FLVCR1: variants seen among roughly 807,000 people sequenced by gnomAD.
The protein encoded by FLVCR1 is FLVCR choline and heme transporter 1.
A neutral mutation model predicts 53.6 loss-of-function variants in FLVCR1; 34 were observed. The ratio of observed to expected loss-of-function variants is 0.63; its 90% CI spans 0.48 to 0.84. The LOEUF is 0.84. Ranked by LOEUF, FLVCR1 falls within the 40% of genes least tolerant of loss-of-function variation. FLVCR1 has a pLI of 0.00. For missense variants in FLVCR1, 677 were observed against 696.7 expected (o/e 0.97, Z 0.32); for synonymous variants, 300 against 286.3 (o/e 1.05, Z -0.48).
At position 212,858,774 on chromosome 1, in the gene FLVCR1, T is replaced by G. The variant is rs1664120208; in HGVS notation, c.322T>G (p.Phe108Val). ...CCTTACGGCGCTCTCCCCGCGGCGC[T>G]TCGTGGTGCTCCTGATCTTCAGCCT... The part of the protein sequence containing the change: ...LPLTALSPRR[F>V]VVLLIFSLYS... The change falls in exon 1 of 10, where the codon TTC becomes GTC. Residue 108 changes from phenylalanine to valine, a missense_variant. Phe to Val is a conservative substitution (Grantham distance 50). Transcript: ENST00000366971. 1 of 1,614,102 alleles carries G rather than the reference T, an allele frequency of 6.2e-7. No homozygotes were observed. The highest frequency in any genetic ancestry group is 8.5e-7 in the Non-Finnish European group (1 of 1,180,020).
rs1665388548 is a variant in FLVCR1, at chr1:212,898,243, A to G, written c.*2953A>G. ...CAGCCAGAGAAAAATTCCCTGGACA[A>G]TTGGATAAACAAATGTGATTGCTAC... On this transcript the variant is annotated 3_prime_UTR_variant, in exon 10 of 10. Transcript: ENST00000366971. 1 of 152,252 alleles carries G rather than the reference A, an allele frequency of 6.6e-6. No homozygotes were observed. Among genetic ancestry groups the G allele is most frequent in the Admixed American group, 6.5e-5 (1 of 15,286 alleles). 9.4% of individuals were successfully genotyped at this position (152,252 alleles called of 1,614,324 possible).
chr1:212,868,178 T>G (rs1664496084), intron 2 of FLVCR1, among the ~76,000 whole-genome samples: 1 of 152,128 alleles, frequency 6.6e-6, no homozygotes, highest in Admixed American at 6.5e-5. Flanking sequence ...CACTGCACCC[T>G]TGATCTCCTG....
chr1:212,894,816 T>C (rs1478887954), intron 8 of FLVCR1, among the ~76,000 whole-genome samples, 170 bp from the exon 9 acceptor site: 1 of 152,204 alleles, frequency 6.6e-6, no homozygotes, highest in African/African-American at 2.4e-5. Context: ...GACTTATTAA[T>C]TGTTAACAAC....
chr1:212,893,398 T>C (rs980550114), intron 8 of FLVCR1, among the ~76,000 whole-genome samples: 1 of 152,174 alleles, frequency 6.6e-6, no homozygotes, highest in Non-Finnish European at 1.5e-5. Context: ...TTTCTTGAGT[T>C]GGAATCTACT....
Position 212,859,174 on chromosome 1 carries a change from C to T in FLVCR1, c.722C>T (p.Ala241Val). 1 of 1,614,042 alleles carries T rather than the reference C, an allele frequency of 6.2e-7. No individual in the cohort carries two copies. The highest frequency in any genetic ancestry group is 8.5e-7 in the Non-Finnish European group (1 of 1,180,046). Residue 241 changes from alanine (A) to valine (V), a missense_variant, in exon 1 of 10, where the codon GCC becomes GTC. By Grantham distance (64) the Ala-to-Val change is moderately conservative. Transcript: ENST00000366971. ...GAGGTGTCCACAGCTTGTGCCACCG[C>T]CGTGCTGGGCAATCAGGTAAGTACT... is the stretch of plus-strand genomic sequence containing the variant. ...PKEVSTACAT[A>V]VLGNQLGTAV...
intron 3 of FLVCR1, among the ~76,000 whole-genome samples, chr1:212,876,384 T>C (rs533001134): frequency 1.5e-4 from 23 of 151,930 alleles, no homozygotes; most frequent in African/African-American, 4.8e-4. Context: ...TTTTTTTTTT[T>C]TTGAGATGGA....
rs767302510 is a variant in FLVCR1 at position 212,883,383 on chromosome 1, G to C, written c.1037G>C (p.Gly346Ala). Reference sequence around the variant, plus strand: ...TTTATTATTGTAGGTATCATGACTGGTGCCTTTTATTCAGTCTCAACGTTA... The same window carrying C: ...TTTATTATTGTAGGTATCATGACTGCTGCCTTTTATTCAGTCTCAACGTTA... ...LLLITYGIMT[G>A]AFYSVSTLLN... Residue 346 changes from glycine (G) to alanine (A), a missense_variant, in exon 4 of 10, where the codon GGT becomes GCT. Coordinates refer to ENST00000366971, the MANE Select transcript of FLVCR1 (RefSeq NM_014053.4). 1 of 1,546,454 alleles carries C rather than the reference G, an allele frequency of 6.5e-7. No homozygotes were observed. The highest frequency in any genetic ancestry group is 8.9e-7 in the Non-Finnish European group (1 of 1,120,676).
intron 6 of FLVCR1, 29 bp from the exon 7 acceptor site, chr1:212,888,460 T>C (rs1355252003): frequency 2.0e-6 from 3 of 1,477,754 alleles, no homozygotes; most frequent in South Asian, 2.3e-5. Context: ...CTGGTAGTTC[T>C]TTCTGTAATT....
chr1:212,863,236 A>T (rs1664299408), intron 1 of FLVCR1, among the ~76,000 whole-genome samples: 1 of 152,162 alleles, frequency 6.6e-6, no homozygotes, highest in South Asian at 2.1e-4. Context: ...TGTTTTTTGG[A>T]TAGGAGAGAT....
chr1:212,887,797 A>C, intron 5 of FLVCR1, 94 bp from the exon 6 acceptor site: 1 of 701,370 alleles, frequency 1.4e-6, no homozygotes, highest in Admixed American at 2.2e-5. Context: ...ACTTTGAAAA[A>C]CAAAGATTCA....
chr1:212,874,285 G>A (rs1297765445), intron 3 of FLVCR1, among the ~76,000 whole-genome samples: 1 of 152,176 alleles, frequency 6.6e-6, no homozygotes, highest in Admixed American at 6.5e-5. Context: ...CGGGATTACA[G>A]GCGTGAGCCA....
chr1:212,872,195 G>T (rs1664619721), intron 2 of FLVCR1, among the ~76,000 whole-genome samples: 1 of 151,970 alleles, frequency 6.6e-6, no homozygotes, highest in Non-Finnish European at 1.5e-5. Context: ...GCTCACTGCA[G>T]CCTTGACCTC....
At chr1:212,883,569 T>C in intron 4 of FLVCR1, 131 bp downstream of exon 4, 2 of 641,574 alleles carry the variant, frequency 3.1e-6, no homozygotes, top group East Asian at 2.8e-5. Context: ...TTTGTTTTAA[T>C]TGAGAATATA....
chr1:212,884,376 GAC>G (rs1374199547), intron 4 of FLVCR1, among the ~76,000 whole-genome samples: 6 of 151,882 alleles, frequency 4.0e-5, no homozygotes, highest in Non-Finnish European at 7.4e-5. Flanking sequence ...CCAGCCTAGT[GAC>G]AGAGTGAGAC....
At chr1:212,886,394 G>A (rs1665066643) in intron 5 of FLVCR1, among the ~76,000 whole-genome samples, 1 of 152,146 alleles carries the variant, frequency 6.6e-6, no homozygotes, top group African/African-American at 2.4e-5. Context: ...CAAAAAAGTA[G>A]TTCTTTCCAA....
At chr1:212,889,444 C>A (rs1361037491) in intron 8 of FLVCR1, among the ~76,000 whole-genome samples, 187 bp downstream of exon 8, 3 of 152,174 alleles carry the variant, frequency 2.0e-5, no homozygotes, top group South Asian at 2.1e-4. Flanking sequence ...AATACAGTTA[C>A]TCTGCATAGC....
intron 5 of FLVCR1, among the ~76,000 whole-genome samples, chr1:212,886,167 G>A (rs910098843): frequency 6.7e-6 from 1 of 149,524 alleles, no homozygotes; most frequent in African/African-American, 2.5e-5. Flanking sequence ...TCAGCCTCCT[G>A]AGTAGCTGTG....
chr1:212,888,852 AT>A (rs1201984725), intron 7 of FLVCR1, among the ~76,000 whole-genome samples: 2 of 151,546 alleles, frequency 1.3e-5, no homozygotes, highest in African/African-American at 4.9e-5. Flanking sequence ...GCCCAGCTAA[AT>A]TTTTTTTGTT....
At chr1:212,886,042 C>CTTTTTTTTTTTTTTTTTT (rs5780703) in intron 5 of FLVCR1, among the ~76,000 whole-genome samples, 2 of 121,166 alleles carry the variant, frequency 1.7e-5, no homozygotes, top group African/African-American at 6.5e-5. Flanking sequence ...TTATCTTGTT[C>CTTTTTTTTTTTTTTTTTT]TTTTTTTTTT....
Sources: allele counts gnomAD v4.1 joint callset (sites outside exome capture counted in the v4.1 genomes callset), GRCh38; gene constraint gnomAD v4.1.1; transcripts MANE v1.5; gene names NCBI Gene and HGNC (gene_info 2026-07-23, HGNC 2026-07-21).